The following TFEC variants were observed in gnomAD, a reference collection of about 807,000 sequenced individuals.
The protein encoded by TFEC is transcription factor EC, also known as class E basic helix-loop-helix protein 34.
TFEC carries 31 observed loss-of-function variants against 41.6 expected under a neutral mutation model. The ratio of observed to expected loss-of-function variants is 0.74; its 90% CI spans 0.56 to 1.01. TFEC has a LOEUF of 1.01. Ranked by LOEUF, TFEC falls within the 50% of genes least tolerant of loss-of-function variation. TFEC has a pLI of 0.00. For missense variants in TFEC, 402 were observed against 404.1 expected, an observed-to-expected ratio of 0.99 and a Z score of 0.04; for synonymous variants, 143 against 140.6, an observed-to-expected ratio of 1.02 and a Z score of -0.12.
intron 1 of TFEC, among the ~76,000 whole-genome samples, chr7:116,144,215 A>G (rs1300219096): frequency 1.7e-5 from 1 of 58,456 alleles, no homozygotes; most frequent in Non-Finnish European, 3.5e-5. Flanking sequence ...GACTCCATCA[A>G]AAAAAAAAAA....
chr7:116,132,171 G>C (rs993025407), intron 1 of TFEC, among the ~76,000 whole-genome samples: 1 of 152,144 alleles, frequency 6.6e-6, no homozygotes. Flanking sequence ...TCATTTTAAG[G>C]AATTAGTGCA....
At chr7:116,151,168 T>C (rs1798752712) in intron 1 of TFEC, among the ~76,000 whole-genome samples, 2 of 151,932 alleles carry the variant, frequency 1.3e-5, no homozygotes, top group South Asian at 4.1e-4. Context: ...GAATGATCAA[T>C]CTTAAATTCA....
At chr7:115,987,670 T>C (rs890691299) in intron 1 of TFEC, among the ~76,000 whole-genome samples, 21 of 152,256 alleles carry the variant, frequency 1.4e-4, no homozygotes, top group African/African-American at 4.6e-4. Context: ...TGTATTTATC[T>C]TGCTGGCTGC....
chr7:115,968,352 G>A (rs879809072), intron 3 of TFEC: 1 of 1,408,406 alleles, frequency 7.1e-7, no homozygotes, highest in Non-Finnish European at 9.2e-7. Context: ...GACTAATCTT[G>A]TCTAGATTGT....
chr7:116,115,259 T>C (rs1352776582), intron 1 of TFEC, among the ~76,000 whole-genome samples: 1 of 152,012 alleles, frequency 6.6e-6, no homozygotes, highest in Non-Finnish European at 1.5e-5. Context: ...TCGTTTCCTG[T>C]GGCTGCTTTT....
At chr7:115,941,640 CACACATATAT>C (rs1793506251) in intron 7 of TFEC, 1 of 438,080 alleles carries the variant, frequency 2.3e-6, no homozygotes, top group African/African-American at 2.0e-5. Flanking sequence ...TGCACACATA[CACACATATAT>C]ACACATATAT....
intron 1 of TFEC, chr7:116,112,154 G>T: frequency 1.1e-5 from 4 of 370,088 alleles, no homozygotes; most frequent in Non-Finnish European, 1.1e-5. Flanking sequence ...GATGTTCAAT[G>T]TGATAAGTTG....
At chr7:116,096,679 G>A (rs1797469373) in intron 3 of TFEC, among the ~76,000 whole-genome samples, 1 of 151,918 alleles carries the variant, frequency 6.6e-6, no homozygotes. Flanking sequence ...TTATTCTTGA[G>A]TTTTGACAGT....
At chr7:115,948,201 A>G (rs1018433535) in intron 6 of TFEC, among the ~76,000 whole-genome samples, 3 of 151,886 alleles carry the variant, frequency 2.0e-5, no homozygotes, top group African/African-American at 7.2e-5. Flanking sequence ...TTGTGGCAAT[A>G]ATCAATAGCT....
chr7:115,984,939 TC>T (rs1435661153), intron 1 of TFEC, among the ~76,000 whole-genome samples: 1 of 152,118 alleles, frequency 6.6e-6, no homozygotes, highest in Non-Finnish European at 1.5e-5. Context: ...AAAACTTTGT[TC>T]TTAAGAAAAC....
chr7:115,938,772 T>A lies in TFEC; in HGVS notation c.*1779A>T, dbSNP rs1323928057. The stretch of plus-strand genomic sequence containing the variant: ...CACTCATTAGTAATATATATTTTAG[T>A]TTTTAGCATCCTCCCTGCTACTAAA... On this transcript the variant is annotated 3_prime_UTR_variant, in exon 8 of 8. Transcript: ENST00000265440. 4 of 151,868 alleles carry A rather than the reference T, an allele frequency of 2.6e-5. No individual in the cohort carries two copies. The highest frequency in any genetic ancestry group is 7.2e-5 in the African/African-American group (3 of 41,408). 9.4% of individuals were successfully genotyped at this position (151,868 alleles called of 1,614,324 possible).
rs537820202 is a variant in TFEC, at chr7:115,977,028, T to C, written c.181-2772A>G. Reference sequence around the variant, plus strand: ...CCCTCATTTCTGTCATCTACCTACATGACTACTTTTTTCCCTAATTTCAGT... The same window carrying C: ...CCCTCATTTCTGTCATCTACCTACACGACTACTTTTTTCCCTAATTTCAGT... On this transcript the variant is annotated intron_variant, in intron 2 of 7. Coordinates refer to ENST00000265440, the MANE Select transcript of TFEC (RefSeq NM_012252.4). Among the ~76,000 whole-genome samples, 3 of 152,280 alleles carry C rather than the reference T, an allele frequency of 2.0e-5. No individual in the cohort carries two copies. In the South Asian group the frequency reaches 6.2e-4, roughly 32 times the overall value.
intron 1 of TFEC, among the ~76,000 whole-genome samples, chr7:116,012,944 T>G (rs776896182): frequency 3.5e-4 from 53 of 152,042 alleles, no homozygotes; most frequent in Non-Finnish European, 6.9e-4. Flanking sequence ...TGAAGTCATT[T>G]TTATCATAAT....
chr7:115,942,033 G>A lies in TFEC; in HGVS notation c.523C>T (p.Arg175Cys), dbSNP rs376001735. 18 of 1,611,722 alleles carry A rather than the reference G, an allele frequency of 1.1e-5. No homozygotes were observed. Among genetic ancestry groups the A allele is most frequent in the Non-Finnish European group, 1.4e-5 (16 of 1,178,720 alleles). Residue 175 changes from arginine to cysteine, a missense_variant, in exon 7 of 8, where the codon CGC becomes TGC. By Grantham distance (180) the Arg-to-Cys change is radical. Coordinates refer to ENST00000265440, the MANE Select transcript of TFEC (RefSeq NM_012252.4). The stretch of plus-strand genomic sequence containing the variant: ...TTTAGAATGGTTCCTTTGTTCCAGC[G>A]CATATCACTGTAGAATGGAGAGATA... ...LIPKSNDPDM[R>C]WNKGTILKAS...
intron 1 of TFEC, among the ~76,000 whole-genome samples, chr7:116,139,963 T>C (rs1033121530): frequency 5.3e-5 from 8 of 152,168 alleles, no homozygotes; most frequent in South Asian, 2.1e-4. Flanking sequence ...CCAAGAGACA[T>C]AGATCCAAGG....
intron 1 of TFEC, among the ~76,000 whole-genome samples, chr7:116,155,695 T>C (rs1798856249): frequency 6.6e-6 from 1 of 152,192 alleles, no homozygotes; most frequent in African/African-American, 2.4e-5. Flanking sequence ...TCAGGCCACA[T>C]GTTTAATCAG....
intron 1 of TFEC, among the ~76,000 whole-genome samples, chr7:116,027,974 G>A (rs1795649515): frequency 6.6e-6 from 1 of 152,022 alleles, no homozygotes; most frequent in Admixed American, 6.6e-5. Flanking sequence ...AGATCATTAG[G>A]CTCAACTTCC....
At chr7:115,961,745 T>C (rs938484814) in intron 3 of TFEC, among the ~76,000 whole-genome samples, 1 of 151,704 alleles carries the variant, frequency 6.6e-6, no homozygotes, top group African/African-American at 2.4e-5. Context: ...CCACTAAGCT[T>C]AGGAGCAAGA....
chr7:115,962,911 T>C (rs948126569), intron 3 of TFEC, among the ~76,000 whole-genome samples: 1 of 151,920 alleles, frequency 6.6e-6, no homozygotes, highest in Non-Finnish European at 1.5e-5. Flanking sequence ...GTGCAGGTTG[T>C]TACATAGGTA....
Sources: gnomAD v4.1 joint callset for allele counts (sites outside exome capture counted in the v4.1 genomes callset) on GRCh38, gnomAD v4.1.1 for gene constraint, MANE v1.5 for transcripts, NCBI Gene and HGNC (gene_info 2026-07-23, HGNC 2026-07-21) for gene names.